TUSC3: variants seen among roughly 807,000 people sequenced by gnomAD.
TUSC3 encodes the protein dolichyl-diphosphooligosaccharide--protein glycosyltransferase subunit TUSC3.
TUSC3 carries 45 observed loss-of-function variants against 44.8 expected under a neutral mutation model. The observed-to-expected ratio is 1.00, with a 90% CI of 0.79 to 1.29. The LOEUF is 1.29. Ranked by LOEUF, TUSC3 falls within the 50% of genes most tolerant of loss-of-function variation. The probability of loss-of-function intolerance (pLI) is 0.00; values close to 1 mark genes in which losing one functional copy is unlikely to be tolerated. For synonymous variants in TUSC3, 212 were observed against 152.9 expected, an observed-to-expected ratio of 1.39 and a Z score of -2.85; for missense variants, 519 against 437.9, an observed-to-expected ratio of 1.19 and a Z score of -1.65.
At chr8:15,450,553 C>G (rs1309373680) in intron 1 of TUSC3, among the ~76,000 whole-genome samples, 1 of 152,108 alleles carries the variant, frequency 6.6e-6, no homozygotes, top group Non-Finnish European at 1.5e-5. Context: ...ACCTGTAATC[C>G]TAGCTTTTCA....
chr8:15,507,027 C>G (rs1335901347), intron 2 of TUSC3, among the ~76,000 whole-genome samples: 1 of 152,148 alleles, frequency 6.6e-6, no homozygotes, highest in Non-Finnish European at 1.5e-5. Flanking sequence ...TCCTCTGTAT[C>G]TTTGGGTCTT....
At chr8:15,709,416 G>A (rs970871925) in intron 6 of TUSC3, among the ~76,000 whole-genome samples, 12 of 151,748 alleles carry the variant, frequency 7.9e-5, no homozygotes, top group South Asian at 2.1e-4. Flanking sequence ...GTATTTCCTC[G>A]TTCTCCTTTG....
At chr8:15,667,861 T>C (rs1807739806) in intron 5 of TUSC3, among the ~76,000 whole-genome samples, 1 of 151,780 alleles carries the variant, frequency 6.6e-6, no homozygotes, top group Non-Finnish European at 1.5e-5. Flanking sequence ...TTGCTGTAGT[T>C]ACAGTGGGCG....
chr8:15,551,900 T>G (rs1802074224), intron 1 of TUSC3, among the ~76,000 whole-genome samples: 1 of 151,774 alleles, frequency 6.6e-6, no homozygotes, highest in South Asian at 2.1e-4. Context: ...AATCTTTGTT[T>G]TTGGATTTTC....
chr8:15,742,607 G>T (rs187151289), intron 7 of TUSC3, among the ~76,000 whole-genome samples: 2 of 152,250 alleles, frequency 1.3e-5, no homozygotes, highest in Non-Finnish European at 2.9e-5. Flanking sequence ...GAGACATCCT[G>T]CACAGGAGAT....
intron 8 of TUSC3, among the ~76,000 whole-genome samples, chr8:15,744,052 G>A (rs567628742): frequency 1.3e-5 from 2 of 152,288 alleles, no homozygotes; most frequent in Admixed American, 6.5e-5. Flanking sequence ...TGTACAGTGA[G>A]ATACTCTTAT....
At chr8:15,630,273 T>C (rs557721854) in intron 2 of TUSC3, among the ~76,000 whole-genome samples, 58 of 152,264 alleles carry the variant, frequency 3.8e-4, no homozygotes, top group African/African-American at 1.3e-3. Context: ...GAGATTAATA[T>C]ATAATTGGAC....
rs967061323 is a variant in TUSC3 at position 15,659,794 on chromosome 8, A to C, written c.567+147A>C. 15 of 1,021,948 alleles carry C rather than the reference A, an allele frequency of 1.5e-5. No homozygotes were observed. The African/African-American group carries it at 2.2e-4, about 15-fold the overall frequency. The allele number at this position is 1,021,948 out of a possible 1,614,324, so 63.3% of individuals were successfully genotyped here. On this transcript the variant is annotated intron_variant, in intron 4 of 10. Coordinates refer to ENST00000503731, the MANE Select transcript of TUSC3 (RefSeq NM_006765.4). The stretch of plus-strand genomic sequence containing the variant: ...AAACTGTTCGATTACTGCAAATGAT[A>C]AGTTGGACTATTAGCTGAATTCAGA...
At position 15,540,282 on chromosome 8, in the gene TUSC3, T is replaced by G; in HGVS notation, c.-149T>G. The G allele has an allele frequency of 8.6e-7, 1 of 1,165,852 alleles. No homozygotes were observed. The highest frequency in any genetic ancestry group is 1.1e-6 in the Non-Finnish European group (1 of 892,912). The allele number at this position is 1,165,852 out of a possible 1,614,324, so 72.2% of individuals were successfully genotyped here. On this transcript the variant is annotated 5_prime_UTR_variant, in exon 1 of 11. Coordinates refer to ENST00000503731, the MANE Select transcript of TUSC3 (RefSeq NM_006765.4). ...TCTGTCAGTCTCCTCCTCTGCGTCC[T>G]CGGCCGCGGCCCGGGTCCCTCGCAA... is the stretch of plus-strand genomic sequence containing the variant.
At chr8:15,740,149 A>G (rs973000370) in intron 7 of TUSC3, among the ~76,000 whole-genome samples, 4 of 152,196 alleles carry the variant, frequency 2.6e-5, no homozygotes, top group Non-Finnish European at 4.4e-5. Flanking sequence ...TTGAATTTGA[A>G]CAGAGACCCA....
the TUSC3 span, among the ~76,000 whole-genome samples, chr8:15,811,866 G>A: frequency 6.6e-6 from 1 of 151,920 alleles, no homozygotes; most frequent in African/African-American, 2.4e-5. Flanking sequence ...TAAAATAGCC[G>A]AGCCAGTTCT....
At chr8:15,779,346 G>A in the TUSC3 span, among the ~76,000 whole-genome samples, 1 of 152,038 alleles carries the variant, frequency 6.6e-6, no homozygotes, top group South Asian at 2.1e-4. Context: ...GATATTACAA[G>A]CATGAGCCAC....
chr8:15,837,358 G>A, the TUSC3 span, among the ~76,000 whole-genome samples: 18,429 of 152,050 alleles, frequency 0.12, 1,188 homozygotes, highest in East Asian at 0.25. Flanking sequence ...ACATTTAAAT[G>A]TATTGGATTA....
chr8:15,824,954 ACT>A, the TUSC3 span, among the ~76,000 whole-genome samples: 2 of 151,934 alleles, frequency 1.3e-5, no homozygotes, highest in African/African-American at 2.4e-5. Flanking sequence ...CATAAGATTG[ACT>A]CTCTATATAA....
chr8:15,460,875 C>T (rs201191273), intron 1 of TUSC3, among the ~76,000 whole-genome samples: 2 of 152,186 alleles, frequency 1.3e-5, no homozygotes, highest in South Asian at 4.1e-4. Context: ...CTATTCTGTT[C>T]CATTGGTCTA....
chr8:15,735,188 G>A (rs1192220842), intron 7 of TUSC3, among the ~76,000 whole-genome samples: 14 of 152,134 alleles, frequency 9.2e-5, no homozygotes, highest in Admixed American at 9.2e-4. Context: ...GGAAGCAGGA[G>A]TCGCTGGCAG....
chr8:15,515,773 C>T (rs1183058383), intron 2 of TUSC3, among the ~76,000 whole-genome samples: 1 of 152,036 alleles, frequency 6.6e-6, no homozygotes, highest in Non-Finnish European at 1.5e-5. Flanking sequence ...GTTCAAGTAA[C>T]TCTCCTGCCT....
chr8:15,586,157 T>A (rs1349470979), intron 1 of TUSC3, among the ~76,000 whole-genome samples: 1 of 152,232 alleles, frequency 6.6e-6, no homozygotes, highest in Non-Finnish European at 1.5e-5. Context: ...TCCATATATT[T>A]GCCTGTTAAA....
chr8:15,561,949 A>G (rs1437188969), intron 1 of TUSC3, among the ~76,000 whole-genome samples: 2 of 152,216 alleles, frequency 1.3e-5, no homozygotes, highest in East Asian at 1.9e-4. Context: ...ATGGAAATGC[A>G]GAAATCACCA....
Sources: allele counts gnomAD v4.1 joint callset (sites outside exome capture counted in the v4.1 genomes callset), GRCh38; gene constraint gnomAD v4.1.1; transcripts MANE v1.5; gene names NCBI Gene and HGNC (gene_info 2026-07-23, HGNC 2026-07-21).